EEA1: variants seen among roughly 807,000 people sequenced by gnomAD.
EEA1 encodes early endosome antigen 1.
In EEA1, 111 loss-of-function variants were observed where a neutral mutation model predicts 209.2. The ratio of observed to expected loss-of-function variants is 0.53; its 90% CI spans 0.45 to 0.62. EEA1 has a LOEUF of 0.62. EEA1 is among the 20% of genes least tolerant of loss of function. The pLI is 0.00. For missense variants in EEA1, 1,343 were observed against 1,530.8 expected (o/e 0.88, Z 2.05); for synonymous variants, 536 against 540.6 (o/e 0.99, Z 0.12).
intron 22 of EEA1, among the ~76,000 whole-genome samples, chr12:92,785,430 C>T (rs1020663298): frequency 1.3e-5 from 2 of 152,116 alleles, no homozygotes; most frequent in Admixed American, 6.6e-5. Flanking sequence ...TGAATCTCTC[C>T]TCTTCTCTCT....
intron 16 of EEA1, among the ~76,000 whole-genome samples, chr12:92,812,350 A>C (rs1402044329): frequency 1.2e-4 from 19 of 152,068 alleles, no homozygotes; most frequent in Admixed American, 1.2e-3. Flanking sequence ...AAAGACCAAT[A>C]ACTAATATTA....
chr12:92,871,150 C>T (rs1034773466), intron 2 of EEA1, among the ~76,000 whole-genome samples: 4 of 152,116 alleles, frequency 2.6e-5, no homozygotes, highest in African/African-American at 9.7e-5. Context: ...GATTTCATGG[C>T]AAAATTGATA....
intron 2 of EEA1, among the ~76,000 whole-genome samples, chr12:92,878,078 G>T (rs1045816918): frequency 6.6e-6 from 1 of 152,018 alleles, no homozygotes; most frequent in Admixed American, 6.6e-5. Flanking sequence ...ACACCCTTAT[G>T]ATCATCTAGG....
At chr12:92,911,837 T>C (rs1280762413) in intron 1 of EEA1, among the ~76,000 whole-genome samples, 2 of 152,212 alleles carry the variant, frequency 1.3e-5, no homozygotes, top group African/African-American at 4.8e-5. Context: ...AATTTCCTTT[T>C]CTCAAGAAAG....
Position 92,773,142 on chromosome 12 carries a change from T to A in EEA1, c.*2869A>T, listed in dbSNP as rs940331648. 6.6e-6 allele frequency: 1 copy of A among 152,106 alleles called. No homozygotes were observed. Among genetic ancestry groups the A allele is most frequent in the Non-Finnish European group, 1.5e-5 (1 of 67,646 alleles). 9.4% of individuals were successfully genotyped at this position (152,106 alleles called of 1,614,324 possible). On this transcript the variant is annotated 3_prime_UTR_variant, in exon 29 of 29. Coordinates refer to ENST00000322349, the MANE Select transcript of EEA1 (RefSeq NM_003566.4). ...ATCATCCATGGTTTTATAGCCAAAGTGCATTTTTTTAAAAAAACTCCTATA... is the reference window on the plus strand; with the variant it reads ...ATCATCCATGGTTTTATAGCCAAAGAGCATTTTTTTAAAAAAACTCCTATA...
At chr12:92,859,726 C>T (rs1878047086) in intron 3 of EEA1, among the ~76,000 whole-genome samples, 1 of 152,214 alleles carries the variant, frequency 6.6e-6, no homozygotes, top group Admixed American at 6.5e-5. Flanking sequence ...TTGACTTTCC[C>T]ACACCAGATG....
chr12:92,874,748 C>T (rs1878804491), intron 2 of EEA1, among the ~76,000 whole-genome samples: 1 of 152,198 alleles, frequency 6.6e-6, no homozygotes, highest in Admixed American at 6.5e-5. Flanking sequence ...TACAGTCATT[C>T]ATTCAAAAAG....
intron 13 of EEA1, among the ~76,000 whole-genome samples, chr12:92,825,545 GA>G (rs1234361099): frequency 6.6e-6 from 1 of 151,648 alleles, no homozygotes; most frequent in East Asian, 1.9e-4. Flanking sequence ...ATAACAAAAT[GA>G]AAACTTCTTT....
chr12:92,860,324 G>A (rs544627126), intron 3 of EEA1, among the ~76,000 whole-genome samples: 3 of 152,176 alleles, frequency 2.0e-5, no homozygotes, highest in African/African-American at 7.2e-5. Flanking sequence ...GCCTCCCAGG[G>A]TTTTAGTTTT....
intron 9 of EEA1, among the ~76,000 whole-genome samples, chr12:92,850,895 A>C (rs541765158): frequency 6.6e-6 from 1 of 152,200 alleles, no homozygotes; most frequent in South Asian, 2.1e-4. Context: ...ACAGAATAAT[A>C]ATCTTTATGC....
chr12:92,779,671 G>T (rs931651579), intron 24 of EEA1, among the ~76,000 whole-genome samples: 1 of 151,792 alleles, frequency 6.6e-6, no homozygotes, highest in African/African-American at 2.4e-5. Flanking sequence ...CTGATTTAAG[G>T]AAGTCACATT....
chr12:92,810,664 T>A (rs1432880794), intron 17 of EEA1, among the ~76,000 whole-genome samples: 6 of 152,004 alleles, frequency 3.9e-5, no homozygotes, highest in South Asian at 2.1e-4. Context: ...AATTTTTTTT[T>A]TTTTTATTTT....
At chr12:92,878,170 G>A (rs1592752490) in intron 2 of EEA1, among the ~76,000 whole-genome samples, 1 of 152,280 alleles carries the variant, frequency 6.6e-6, no homozygotes, top group East Asian at 1.9e-4. Context: ...GGAGGCCAAG[G>A]TGGGAGGATT....
intron 13 of EEA1, among the ~76,000 whole-genome samples, chr12:92,824,730 T>TC (rs1876214994): frequency 6.6e-6 from 1 of 152,164 alleles, no homozygotes; most frequent in African/African-American, 2.4e-5. Context: ...TCCCCATCCC[T>TC]CCTTCCTTCA....
intron 17 of EEA1, among the ~76,000 whole-genome samples, chr12:92,810,452 C>A (rs561152297): frequency 1.3e-5 from 2 of 152,056 alleles, no homozygotes; most frequent in South Asian, 4.1e-4. Flanking sequence ...TTGCTATTAT[C>A]GTTTGTCATA....
chr12:92,777,645 A>G lies in EEA1; in HGVS notation c.3912T>C (p.Gly1304=). Residue 1304 remains glycine (G), a synonymous_variant, in exon 27 of 29, where the codon GGT becomes GGC. Transcript: ENST00000322349. ...ALLERCLKGE[G]EIEKLQTKVL... is the part of the protein sequence containing the mutation. ...CTTTGGTTTGAAGCTTTTCTATTTC[A>G]CCTTCTCCTTTAAGACATCTGGAAT... is the stretch of plus-strand genomic sequence containing the variant. 2.5e-6 allele frequency: 4 copies of G among 1,611,482 alleles called. No homozygotes were observed. In the South Asian group the frequency reaches 4.4e-5, roughly 18 times the overall value.
At chr12:92,868,296 A>G (rs977168955) in intron 2 of EEA1, among the ~76,000 whole-genome samples, 2 of 152,174 alleles carry the variant, frequency 1.3e-5, no homozygotes, top group African/African-American at 4.8e-5. Flanking sequence ...TAGATCTCCT[A>G]CCCACTGTTG....
At chr12:92,851,066 C>A (rs1222660927) in intron 9 of EEA1, 45 bp downstream of exon 9, 34 of 1,594,416 alleles carry the variant, frequency 2.1e-5, no homozygotes, top group Non-Finnish European at 2.9e-5. Context: ...GTATACACTA[C>A]ACAAGCTAAT....
intron 21 of EEA1, among the ~76,000 whole-genome samples, chr12:92,790,743 C>A (rs375968648): frequency 6.6e-6 from 1 of 152,180 alleles, no homozygotes; most frequent in East Asian, 1.9e-4. Flanking sequence ...GCAAGGCAGG[C>A]CAACATTCAA....
Sources: allele counts gnomAD v4.1 joint callset (sites outside exome capture counted in the v4.1 genomes callset), GRCh38; gene constraint gnomAD v4.1.1; transcripts MANE v1.5; gene names NCBI Gene and HGNC (gene_info 2026-07-23, HGNC 2026-07-21).